Variants in SNX20 observed in about 807,000 individuals in gnomAD.
SNX20 encodes sorting nexin 20, also known as sorting nexin-20.
SNX20 carries 21 observed loss-of-function variants against 24.5 expected under a neutral mutation model. The observed-to-expected ratio is 0.86, with a 90% CI of 0.61 to 1.23. The LOEUF is 1.23. SNX20 is among the 50% of genes most tolerant of loss of function. The probability of loss-of-function intolerance (pLI) is 0.00; values close to 1 mark genes in which losing one functional copy is unlikely to be tolerated. For synonymous variants in SNX20, 206 were observed against 192.8 expected, an observed-to-expected ratio of 1.07 and a Z score of -0.57; for missense variants, 433 against 430.8, an observed-to-expected ratio of 1.00 and a Z score of -0.04.
chr16:50,673,891 C>G lies in SNX20; in HGVS notation c.466G>C (p.Glu156Gln), dbSNP rs1283632621. 1 of 1,610,252 alleles carries G rather than the reference C, an allele frequency of 6.2e-7. No homozygotes were observed. The highest frequency in any genetic ancestry group is 8.5e-7 in the Non-Finnish European group (1 of 1,179,672). The change falls in exon 4 of 4, where the codon GAG (glutamate) becomes CAG (glutamine). Residue 156 changes from glutamate to glutamine, a missense_variant. Coordinates refer to ENST00000330943, the MANE Select transcript of SNX20 (RefSeq NM_182854.4). The surrounding 1 kb of genome is among the most constrained non-coding windows in gnomAD (Gnocchi z 4.1). ...TGNFAEEMIC[E>Q]RRRALQEYLG... The stretch of plus-strand genomic sequence containing the variant: ...TACTCCTGCAGGGCGCGCCGACGCT[C>G]ACAGATCATCTCCTCAGCGAAGTTC...
At position 50,674,093 on chromosome 16, in the gene SNX20, G is replaced by T. The variant is rs972126621; in HGVS notation, c.283-19C>A. 9.6e-6 allele frequency: 15 copies of T among 1,570,164 alleles called. No homozygotes were observed. Among genetic ancestry groups the T allele is most frequent in the African/African-American group, 1.4e-5 (1 of 73,110 alleles). ...GGTACACCTAGGGCGCAACCAGAGAGAGCTGTGGCCACCTCCCGGCGGGGG... is the reference window on the plus strand; with the variant it reads ...GGTACACCTAGGGCGCAACCAGAGATAGCTGTGGCCACCTCCCGGCGGGGG... On this transcript the variant is annotated intron_variant, in intron 3 of 3. Transcript: ENST00000330943.
chr16:50,671,615 A>G (rs1963052108), downstream of SNX20: 3 of 152,326 alleles, frequency 2.0e-5, no homozygotes, highest in South Asian at 6.2e-4. Flanking sequence ...AACTGACAAA[A>G]TCAATATCAT....
chr16:50,668,900 C>T, downstream of SNX20: 1 of 1,454,628 alleles, frequency 6.9e-7, no homozygotes, highest in Admixed American at 2.5e-5. Context: ...ACTGTGCCTC[C>T]CAGCCTGAAG....
chr16:50,673,894 A>G lies in SNX20; in HGVS notation c.463T>C (p.Cys155Arg). 2 of 1,610,636 alleles carry G rather than the reference A, an allele frequency of 1.2e-6. No homozygotes were observed. The highest frequency in any genetic ancestry group is 8.5e-7 in the Non-Finnish European group (1 of 1,179,662). Reference protein sequence around the residue: ...LTGNFAEEMICERRRALQEYL... With the variant: ...LTGNFAEEMIRERRRALQEYL... The stretch of plus-strand genomic sequence containing the variant: ...TCCTGCAGGGCGCGCCGACGCTCAC[A>G]GATCATCTCCTCAGCGAAGTTCCCA... The change falls in exon 4 of 4, where the codon TGT (cysteine) becomes CGT (arginine). Residue 155 changes from cysteine to arginine, a missense_variant. Coordinates refer to ENST00000330943, the MANE Select transcript of SNX20 (RefSeq NM_182854.4). The surrounding 1 kb of genome is among the most constrained non-coding windows in gnomAD (Gnocchi z 4.1).
chr16:50,674,201 A>G, intron 3 of SNX20, 127 bp from the exon 4 acceptor site: 1 of 1,124,410 alleles, frequency 8.9e-7, no homozygotes, highest in Non-Finnish European at 1.2e-6. Flanking sequence ...CCTTATATGC[A>G]ATTGTTTGTT....
At chr16:50,668,350 C>G, downstream of SNX20, 1 of 1,145,986 alleles carries the variant, frequency 8.7e-7, no homozygotes, top group Non-Finnish European at 1.1e-6. Context: ...CTGTCTCTGT[C>G]TCTCTCTCTT....
rs764262334 is a variant in SNX20 at position 50,673,921 on chromosome 16, T to A, written c.436A>T (p.Thr146Ser). 1.2e-6 allele frequency: 2 copies of A among 1,612,270 alleles called. 1 individual carries two copies. The highest frequency in any genetic ancestry group is 2.2e-5 in the South Asian group (2 of 90,838). ...EDVEFPRKHL[T>S]GNFAEEMICE... ...ATCATCTCCTCAGCGAAGTTCCCAGTCAGGTGCTTCCTGGGAAACTCCACG... is the reference window on the plus strand; with the variant it reads ...ATCATCTCCTCAGCGAAGTTCCCAGACAGGTGCTTCCTGGGAAACTCCACG... Residue 146 changes from threonine (T) to serine (S), a missense_variant, in exon 4 of 4, where the codon ACT (threonine) becomes TCT (serine). Coordinates refer to ENST00000330943, the MANE Select transcript of SNX20 (RefSeq NM_182854.4). The surrounding 1 kb of genome is among the most constrained non-coding windows in gnomAD (Gnocchi z 4.1).
chr16:50,674,129 C>T (rs1963128198), intron 3 of SNX20, 55 bp from the exon 4 acceptor site: 1 of 1,529,850 alleles, frequency 6.5e-7, no homozygotes, highest in Non-Finnish European at 8.8e-7. Flanking sequence ...CTGCGGCGGA[C>T]GGAGCACACC....
chr16:50,673,720 G>T lies in SNX20; in HGVS notation c.637C>A (p.Pro213Thr). Residue 213 changes from proline to threonine, a missense_variant, in exon 4 of 4, where the codon CCG (proline) becomes ACG (threonine). Coordinates refer to ENST00000330943, the MANE Select transcript of SNX20 (RefSeq NM_182854.4). The surrounding 1 kb of genome is among the most constrained non-coding windows in gnomAD (Gnocchi z 4.1). ...RALELLLRVL[P>T]LQEKLTAHCP... ...TGGGCGGTGAGCTTCTCCTGCAGCG[G>T]CAGCACGCGCAGCAGCAGCTCCAGG... is the stretch of plus-strand genomic sequence containing the variant. 1 of 1,497,418 alleles carries T rather than the reference G, an allele frequency of 6.7e-7. No individual in the cohort carries two copies. Among genetic ancestry groups the T allele is most frequent in the Admixed American group, 2.2e-5 (1 of 44,482 alleles). The allele number at this position is 1,497,418 out of a possible 1,614,324, so 92.8% of individuals were successfully genotyped here. A position where few individuals can be genotyped will look rare whatever the true frequency, so the allele number is the denominator to read the frequency against.
At position 50,673,944 on chromosome 16, in the gene SNX20, A is replaced by G; in HGVS notation, c.413T>C (p.Val138Ala). 1 of 1,613,150 alleles carries G rather than the reference A, an allele frequency of 6.2e-7. No homozygotes were observed. Among genetic ancestry groups the G allele is most frequent in the Non-Finnish European group, 8.5e-7 (1 of 1,179,730 alleles). ...LKTFREEIED[V>A]EFPRKHLTGN... ...AGTCAGGTGCTTCCTGGGAAACTCCACGTCTTCGATCTCCTCCCTGAACGT... is the reference window on the plus strand; with the variant it reads ...AGTCAGGTGCTTCCTGGGAAACTCCGCGTCTTCGATCTCCTCCCTGAACGT... The change falls in exon 4 of 4, where the codon GTG (valine) becomes GCG (alanine). Residue 138 changes from valine (V) to alanine (A), a missense_variant. By Grantham distance (64) the Val-to-Ala change is moderately conservative. Coordinates refer to ENST00000330943, the MANE Select transcript of SNX20 (RefSeq NM_182854.4). The surrounding 1 kb of genome is among the most constrained non-coding windows in gnomAD (Gnocchi z 4.1).
At chr16:50,678,993 T>C (rs915355119) in intron 1 of SNX20, among the ~76,000 whole-genome samples, 3 of 152,190 alleles carry the variant, frequency 2.0e-5, no homozygotes, top group African/African-American at 4.8e-5. Flanking sequence ...TGGATTGGAA[T>C]AGAATTACAA....
intron 1 of SNX20, among the ~76,000 whole-genome samples, chr16:50,679,255 C>T (rs1368373498): frequency 6.6e-6 from 1 of 152,160 alleles, no homozygotes; most frequent in Non-Finnish European, 1.5e-5. Flanking sequence ...CCTGGCACCC[C>T]CTGAGCACAG....
chr16:50,669,115 G>A, downstream of SNX20: 1 of 1,504,880 alleles, frequency 6.6e-7, no homozygotes, highest in South Asian at 1.2e-5. Flanking sequence ...CGTGACCCTG[G>A]ATAAGTCATC....
downstream of SNX20, chr16:50,668,006 G>A: frequency 6.4e-7 from 1 of 1,551,582 alleles, no homozygotes; most frequent in East Asian, 2.4e-5. Context: ...CCATCTGAGG[G>A]TCTTGATATC....
At chr16:50,667,920 C>T (rs549445908), downstream of SNX20, 26 of 1,253,194 alleles carry the variant, frequency 2.1e-5, no homozygotes, top group South Asian at 2.7e-4. Flanking sequence ...ATGGGGGCAA[C>T]AGCTAGATGG....
chr16:50,677,182 C>G (rs1042107989), intron 2 of SNX20, among the ~76,000 whole-genome samples: 3 of 152,124 alleles, frequency 2.0e-5, no homozygotes, highest in African/African-American at 7.2e-5. Context: ...GGCCTCTTGC[C>G]CTTTCCTTCC....
At position 50,673,220 on chromosome 16, in the gene SNX20, G is replaced by T; in HGVS notation, c.*186C>A. 5.8e-6 allele frequency: 6 copies of T among 1,036,654 alleles called. No homozygotes were observed. The highest frequency in any genetic ancestry group is 6.2e-6 in the Non-Finnish European group (5 of 801,874). The allele number at this position is 1,036,654 out of a possible 1,614,324, so 64.2% of individuals were successfully genotyped here. On this transcript the variant is annotated 3_prime_UTR_variant, in exon 4 of 4. Coordinates refer to ENST00000330943, the MANE Select transcript of SNX20 (RefSeq NM_182854.4). This position sits in a 1 kb window ranked among gnomAD's most constrained non-coding sequence, Gnocchi z 4.1. ...GGAGGCTGAGGTGGGAGGATTGCTT[G>T]TGCCCAGGAGTTTGAGGCTGCAGTG...
chr16:50,667,060 G>C (rs1027497425), downstream of SNX20: 2 of 152,210 alleles, frequency 1.3e-5, no homozygotes, highest in African/African-American at 2.4e-5. Flanking sequence ...AGATTAACCT[G>C]GGTTTTTGTG....
chr16:50,669,901 CTT>C (rs2150758476), downstream of SNX20: 1 of 152,352 alleles, frequency 6.6e-6, no homozygotes, highest in East Asian at 1.9e-4. Context: ...GGAGCCCTGA[CTT>C]TTACCGCACA....
Sources: allele counts gnomAD v4.1 joint callset (sites outside exome capture counted in the v4.1 genomes callset), GRCh38; gene constraint gnomAD v4.1.1; non-coding constraint Gnocchi (gnomAD v3.1); transcripts MANE v1.5; gene names NCBI Gene and HGNC (gene_info 2026-07-23, HGNC 2026-07-21).